SHISA9: variants seen among roughly 807,000 people sequenced by gnomAD.
SHISA9 encodes the protein protein shisa-9.
A neutral mutation model predicts 38.0 loss-of-function variants in SHISA9; 13 were observed. That is an observed-to-expected ratio of 0.34 (90% CI 0.22 to 0.54). The LOEUF is 0.54. Ranked by LOEUF, SHISA9 falls within the 20% of genes least tolerant of loss-of-function variation. SHISA9 has a pLI of 0.91. For missense variants in SHISA9, 538 were observed against 575.8 expected, an observed-to-expected ratio of 0.93 and a Z score of 0.67; for synonymous variants, 275 against 242.0, an observed-to-expected ratio of 1.14 and a Z score of -1.27.
At chr16:13,503,801 C>T in the SHISA9 span, among the ~76,000 whole-genome samples, 1 of 152,114 alleles carries the variant, frequency 6.6e-6, no homozygotes, top group East Asian at 1.9e-4. Flanking sequence ...TTATGTTTTC[C>T]ACATGTTCAC....
chr16:13,539,317 TAAAGACAGGATCTTTATATATATATAAAG>T, the SHISA9 span, among the ~76,000 whole-genome samples: 17 of 36,518 alleles, frequency 4.7e-4, 3 homozygotes, highest in South Asian at 1.9e-3. Flanking sequence ...TATATATATA[TAAAGACAGGATCTTTATATATATATAAAG>T]ATATATATAT....
At chr16:13,174,664 G>A (rs551645805) in intron 2 of SHISA9, among the ~76,000 whole-genome samples, 1 of 152,278 alleles carries the variant, frequency 6.6e-6, no homozygotes, top group South Asian at 2.1e-4. Flanking sequence ...AGGGTGAGTA[G>A]CAATGCCCTC....
the SHISA9 span, among the ~76,000 whole-genome samples, chr16:13,511,839 GACTGAAT>G: frequency 6.6e-6 from 1 of 152,144 alleles, no homozygotes; most frequent in African/African-American, 2.4e-5. Flanking sequence ...TCAAGTCCTA[GACTGAAT>G]ACTGACCACC....
chr16:12,914,197 C>T (rs1015588301), intron 1 of SHISA9, among the ~76,000 whole-genome samples: 6 of 151,832 alleles, frequency 4.0e-5, no homozygotes, highest in South Asian at 2.1e-4. Flanking sequence ...GGGCATGCTC[C>T]ACCACGCCCG....
At chr16:13,147,625 G>A (rs143917769) in intron 2 of SHISA9, among the ~76,000 whole-genome samples, 1 of 151,964 alleles carries the variant, frequency 6.6e-6, no homozygotes, top group Non-Finnish European at 1.5e-5. Context: ...ACCACGCCTG[G>A]CTAATTTTTG....
the SHISA9 span, among the ~76,000 whole-genome samples, chr16:13,429,204 G>A: frequency 6.6e-6 from 1 of 152,162 alleles, no homozygotes. Flanking sequence ...GTAATGATAG[G>A]AATATAGAGG....
chr16:13,384,192 G>A, the SHISA9 span, among the ~76,000 whole-genome samples: 13 of 152,160 alleles, frequency 8.5e-5, no homozygotes, highest in East Asian at 1.9e-4. Flanking sequence ...AATAAGTTTC[G>A]AAAAATTCAG....
intron 2 of SHISA9, among the ~76,000 whole-genome samples, chr16:13,131,384 A>G (rs1025150178): frequency 6.6e-5 from 10 of 152,170 alleles, no homozygotes; most frequent in African/African-American, 2.4e-4. Context: ...AACACTGCAT[A>G]TTCTCACTTA....
intron 2 of SHISA9, among the ~76,000 whole-genome samples, chr16:13,067,200 G>A (rs554973357): frequency 2.6e-4 from 40 of 152,226 alleles, no homozygotes; most frequent in Non-Finnish European, 4.1e-4. Flanking sequence ...CCAGTACTGG[G>A]TGTGGGATCT....
intron 2 of SHISA9, among the ~76,000 whole-genome samples, chr16:13,051,177 C>G (rs1239338800): frequency 2.0e-5 from 3 of 152,196 alleles, no homozygotes; most frequent in African/African-American, 7.2e-5. Context: ...GTTGAATGGA[C>G]TCACAGTTCC....
chr16:13,329,990 G>A, the SHISA9 span, among the ~76,000 whole-genome samples: 2 of 152,222 alleles, frequency 1.3e-5, no homozygotes, highest in East Asian at 1.9e-4. Context: ...CATATCAAGT[G>A]TCTGCCTCCC....
chr16:13,476,753 T>G, the SHISA9 span, among the ~76,000 whole-genome samples: 3 of 133,128 alleles, frequency 2.3e-5, no homozygotes, highest in Non-Finnish European at 3.3e-5. Flanking sequence ...TTTTTTTTTT[T>G]TTTTTTTTTT....
At chr16:13,348,018 G>A in the SHISA9 span, among the ~76,000 whole-genome samples, 1 of 152,190 alleles carries the variant, frequency 6.6e-6, no homozygotes, top group African/African-American at 2.4e-5. Flanking sequence ...TCACAAGGGT[G>A]AGTGAGGCTT....
At chr16:13,531,054 T>C in the SHISA9 span, among the ~76,000 whole-genome samples, 1 of 152,210 alleles carries the variant, frequency 6.6e-6, no homozygotes, top group Non-Finnish European at 1.5e-5. Context: ...AGGAGCTTCC[T>C]GGAGTCTTGT....
chr16:13,189,743 CTGT>C (rs1037715525), intron 2 of SHISA9, among the ~76,000 whole-genome samples: 1 of 152,172 alleles, frequency 6.6e-6, no homozygotes, highest in Non-Finnish European at 1.5e-5. Context: ...CAGAAGAAAA[CTGT>C]ATTTTTACAT....
chr16:13,143,896 T>C (rs911752864), intron 2 of SHISA9, among the ~76,000 whole-genome samples: 3 of 152,192 alleles, frequency 2.0e-5, no homozygotes, highest in Non-Finnish European at 2.9e-5. Context: ...ACCATGATCA[T>C]TGGAAAATCT....
rs141149683 is a variant in SHISA9, at chr16:13,180,484, G to C, written c.692-22910G>C. Among the ~76,000 whole-genome samples the C allele has an allele frequency of 7.4e-3, 1,134 of 152,318 alleles. 7 individuals carry two copies. The highest frequency in any genetic ancestry group is 0.037 in the Middle Eastern group (11 of 294). On this transcript the variant is annotated intron_variant, in intron 2 of 4. Transcript: ENST00000558583. ...AGGCCAAGGTGGGTGGATCCCTTGAGCTCAGGAGTTCGAGACCAGCCTGAG... is the reference window on the plus strand; with the variant it reads ...AGGCCAAGGTGGGTGGATCCCTTGACCTCAGGAGTTCGAGACCAGCCTGAG...
At chr16:13,358,080 T>G in the SHISA9 span, among the ~76,000 whole-genome samples, 1 of 152,124 alleles carries the variant, frequency 6.6e-6, no homozygotes, top group African/African-American at 2.4e-5. Flanking sequence ...CTGTGATGGG[T>G]ACGGCCTCCC....
rs892478403 is a variant in SHISA9, at chr16:12,975,678, C to G, written c.691+58863C>G. Among the ~76,000 whole-genome samples, 137 of 149,344 alleles carry G rather than the reference C, an allele frequency of 9.2e-4. 2 individuals carry two copies. Among genetic ancestry groups the G allele is most frequent in the Non-Finnish European group, 8.9e-4 (60 of 67,796 alleles). ...GGGCGGGGGGGGTAAGGGCATGTCA[C>G]TATGAATAGGCCTGGCCTAATCAGG... On this transcript the variant is annotated intron_variant, in intron 2 of 4. Coordinates refer to ENST00000558583, the MANE Select transcript of SHISA9 (RefSeq NM_001145204.3).
Sources: gnomAD v4.1 joint callset for allele counts (sites outside exome capture counted in the v4.1 genomes callset) on GRCh38, gnomAD v4.1.1 for gene constraint, MANE v1.5 for transcripts, NCBI Gene and HGNC (gene_info 2026-07-23, HGNC 2026-07-21) for gene names.